RNF135: variants seen among roughly 807,000 people sequenced by gnomAD.
The protein encoded by RNF135 is E3 ubiquitin-protein ligase RNF135.
In RNF135, 46 loss-of-function variants were observed where a neutral mutation model predicts 41.9. The observed-to-expected ratio is 1.10, with a 90% CI of 0.87 to 1.40. The LOEUF (loss-of-function observed/expected upper bound fraction) is 1.40. Among genes scored for constraint, RNF135 ranks in the 40% most tolerant of loss-of-function variants. The pLI, the probability that RNF135 is intolerant of heterozygous loss-of-function variation, is 0.00. For missense variants in RNF135, 539 were observed against 549.8 expected (o/e 0.98, Z 0.20); for synonymous variants, 238 against 223.8 (o/e 1.06, Z -0.57).
At chr17:30,959,369 A>G in the RNF135 span, 1 of 152,218 alleles carries the variant, frequency 6.6e-6, no homozygotes, top group Non-Finnish European at 1.5e-5. Flanking sequence ...GTATGCTTCT[A>G]TACTCTTATA....
intron 1 of RNF135, among the ~76,000 whole-genome samples, chr17:30,984,288 A>T (rs1907428975): frequency 1.3e-5 from 2 of 152,150 alleles, no homozygotes; most frequent in Admixed American, 1.3e-4. Flanking sequence ...TTTAGGTCTT[A>T]CATTTAGGTC....
At chr17:30,997,520 C>T (rs1189058206) in intron 4 of RNF135, 189 bp downstream of exon 4, 2 of 659,908 alleles carry the variant, frequency 3.0e-6, no homozygotes, top group African/African-American at 1.8e-5. Flanking sequence ...CCCAAGAGCA[C>T]TCAGAGTCCC....
In RNF135 at chr17:30,997,315, T is replaced by A; in HGVS notation, c.753T>A (p.Ala251=). Residue 251 remains alanine, a synonymous_variant, in exon 4 of 5, where the codon GCT becomes GCA. Transcript: ENST00000328381. ...AGAGCCACCCTGCACTCAGGAGAGC[T>A]TCTCGGTTTGCTCAGTGTAAGTATG... ...PDQSHPALRR[A]SRFAQWAIHP... is the part of the protein sequence containing the mutation. The A allele has an allele frequency of 6.2e-7, 1 of 1,614,114 alleles. No homozygotes were observed. The highest frequency in any genetic ancestry group is 1.3e-5 in the African/African-American group (1 of 75,058).
chr17:30,992,844 T>G (rs770657379), intron 3 of RNF135, among the ~76,000 whole-genome samples: 2 of 152,068 alleles, frequency 1.3e-5, no homozygotes, highest in Non-Finnish European at 2.9e-5. Context: ...ATTTTTTCTT[T>G]TATGCATTGT....
the RNF135 span, among the ~76,000 whole-genome samples, chr17:30,962,077 T>C: frequency 6.6e-6 from 1 of 152,108 alleles, no homozygotes; most frequent in Admixed American, 6.5e-5. Flanking sequence ...GTGCTGCCCA[T>C]TCTGCACTTA....
At chr17:30,976,557 G>A (rs1567738328) in intron 1 of RNF135, among the ~76,000 whole-genome samples, 1 of 152,170 alleles carries the variant, frequency 6.6e-6, no homozygotes, top group African/African-American at 2.4e-5. Context: ...GGTTGTTGAA[G>A]TCTCCAGCTG....
At chr17:30,970,284 G>A (rs1243746609), upstream of RNF135, 1 of 152,000 alleles carries the variant, frequency 6.6e-6, no homozygotes, top group Non-Finnish European at 1.5e-5. Context: ...TTAGGACTGG[G>A]ATGCGAAGTG....
At chr17:30,981,412 C>T (rs1257785191) in intron 1 of RNF135, among the ~76,000 whole-genome samples, 8 of 152,096 alleles carry the variant, frequency 5.3e-5, no homozygotes, top group African/African-American at 1.9e-4. Flanking sequence ...TTAATTATTT[C>T]AATCATTTTG....
At chr17:30,993,474 G>C (rs1247854782) in intron 3 of RNF135, among the ~76,000 whole-genome samples, 3 of 151,954 alleles carry the variant, frequency 2.0e-5, no homozygotes, top group African/African-American at 7.3e-5. Context: ...CAAAGTGCTG[G>C]GATTACAGGC....
At chr17:30,982,286 G>C (rs1907208909) in intron 1 of RNF135, among the ~76,000 whole-genome samples, 2 of 152,340 alleles carry the variant, frequency 1.3e-5, no homozygotes, top group East Asian at 3.9e-4. Context: ...CCAGAACTCA[G>C]GTTCCAATAA....
At chr17:30,976,876 GT>G (rs1184499171) in intron 1 of RNF135, among the ~76,000 whole-genome samples, 1 of 152,014 alleles carries the variant, frequency 6.6e-6, no homozygotes, top group Non-Finnish European at 1.5e-5. Flanking sequence ...ATTGGGTCTT[GT>G]TTTTTTATCC....
chr17:30,965,629 T>G, the RNF135 span: 2 of 152,230 alleles, frequency 1.3e-5, no homozygotes, highest in African/African-American at 4.8e-5. Flanking sequence ...GGGTTCTTCC[T>G]GCCCACTGCA....
chr17:30,964,204 A>G, the RNF135 span, among the ~76,000 whole-genome samples: 1 of 151,952 alleles, frequency 6.6e-6, no homozygotes, highest in African/African-American at 2.4e-5. Context: ...CCTGGCCAAC[A>G]TGGTGAAACC....
chr17:30,984,847 C>A, intron 2 of RNF135, 87 bp downstream of exon 2: 1 of 1,351,122 alleles, frequency 7.4e-7, no homozygotes, highest in Non-Finnish European at 1.1e-6. Flanking sequence ...ATATTTGAAC[C>A]TGAAGGATAC....
chr17:30,975,893 C>G, intron 1 of RNF135: 1 of 631,846 alleles, frequency 1.6e-6, no homozygotes, highest in South Asian at 2.1e-5. Context: ...TTTGGAATCC[C>G]AAGTTTGGGC....
At chr17:30,987,531 C>T (rs977104596) in intron 2 of RNF135, among the ~76,000 whole-genome samples, 5 of 152,128 alleles carry the variant, frequency 3.3e-5, no homozygotes, top group East Asian at 1.9e-4. Flanking sequence ...CACACCTAGC[C>T]GAAAAGGTTA....
chr17:30,974,175 G>C (rs1429204327), intron 1 of RNF135, among the ~76,000 whole-genome samples: 1 of 152,188 alleles, frequency 6.6e-6, no homozygotes, highest in Non-Finnish European at 1.5e-5. Context: ...CTGCACTCCA[G>C]CCTGGGTAAT....
intron 1 of RNF135, 108 bp from the exon 2 acceptor site, chr17:30,984,509 A>G (rs1598092163): frequency 1.8e-6 from 2 of 1,102,220 alleles, no homozygotes; most frequent in South Asian, 1.3e-5. Flanking sequence ...ATCGGTCTGT[A>G]TGTCTGTTTT....
rs145916764 is a variant in RNF135 at position 30,990,929 on chromosome 17, T to A, written c.679+2823T>A. ...CAGATGAATACGTGATTGTTTCCAA[T>A]TGTTTACAATGACAAATAATGCTAA... On this transcript the variant is annotated intron_variant, in intron 3 of 4. Transcript: ENST00000328381. Among the ~76,000 whole-genome samples, 86 of 152,348 alleles carry A rather than the reference T, an allele frequency of 5.6e-4. 1 individual carries two copies. The highest frequency in any genetic ancestry group is 1.9e-3 in the African/African-American group (79 of 41,582).
Sources: allele counts gnomAD v4.1 joint callset (sites outside exome capture counted in the v4.1 genomes callset), GRCh38; gene constraint gnomAD v4.1.1; transcripts MANE v1.5; gene names NCBI Gene and HGNC (gene_info 2026-07-23, HGNC 2026-07-21).